The following HS6ST3 variants were observed in gnomAD, a reference collection of about 807,000 sequenced individuals.
HS6ST3 encodes the protein heparan-sulfate 6-O-sulfotransferase 3.
Under a neutral mutation model 36.7 loss-of-function variants are expected in HS6ST3, and 12 were observed. That is an observed-to-expected ratio of 0.33 (90% CI 0.21 to 0.53). The LOEUF is 0.53. Among genes scored for constraint, HS6ST3 ranks in the 20% least tolerant of loss-of-function variants. The pLI, the probability that HS6ST3 is intolerant of heterozygous loss-of-function variation, is 0.95. For missense variants in HS6ST3, 584 were observed against 640.9 expected, an observed-to-expected ratio of 0.91 and a Z score of 0.96; for synonymous variants, 240 against 257.5, an observed-to-expected ratio of 0.93 and a Z score of 0.65.
At chr13:96,138,771 A>G (rs1465055997) in intron 1 of HS6ST3, among the ~76,000 whole-genome samples, 1 of 152,118 alleles carries the variant, frequency 6.6e-6, no homozygotes, top group Admixed American at 6.5e-5. Context: ...AAAAATAATT[A>G]CATGGGAAGT....
intron 1 of HS6ST3, among the ~76,000 whole-genome samples, chr13:96,642,757 T>C (rs539775134): frequency 1.3e-5 from 2 of 152,096 alleles, no homozygotes; most frequent in Non-Finnish European, 2.9e-5. Context: ...ACAATTCCTA[T>C]CTTTTTATTG....
intron 1 of HS6ST3, among the ~76,000 whole-genome samples, chr13:96,499,464 G>A (rs577055420): frequency 3.5e-4 from 54 of 152,306 alleles, no homozygotes; most frequent in African/African-American, 1.3e-3. Flanking sequence ...AGCAGAGGGA[G>A]ACCTTGCTTG....
chr13:96,146,995 G>A lies in HS6ST3; in HGVS notation c.707+55426G>A, dbSNP rs369749356. On this transcript the variant is annotated intron_variant, in intron 1 of 1. Coordinates refer to ENST00000376705, the MANE Select transcript of HS6ST3 (RefSeq NM_153456.4). ...CAGGAAAGTTTATTGTATTTTCCAG[G>A]TAAGGAACTGAGATGCAGAAAGATG... Among the ~76,000 whole-genome samples, 45 of 152,294 alleles carry A rather than the reference G, an allele frequency of 3.0e-4. No homozygotes were observed. In the South Asian group the frequency reaches 8.7e-3, roughly 30 times the overall value.
chr13:96,187,565 CTT>C (rs1330933275), intron 1 of HS6ST3, among the ~76,000 whole-genome samples: 1 of 152,114 alleles, frequency 6.6e-6, no homozygotes, highest in Non-Finnish European at 1.5e-5. Context: ...TGCCCCGTGG[CTT>C]CATATTAGGT....
intron 1 of HS6ST3, among the ~76,000 whole-genome samples, chr13:96,350,343 T>C (rs2055175614): frequency 6.6e-6 from 1 of 152,256 alleles, no homozygotes; most frequent in Admixed American, 6.5e-5. Context: ...GTCTGTACTC[T>C]TGCAAATCCC....
At chr13:96,092,161 G>A (rs912073294) in intron 1 of HS6ST3, among the ~76,000 whole-genome samples, 1 of 152,176 alleles carries the variant, frequency 6.6e-6, no homozygotes, top group Non-Finnish European at 1.5e-5. Flanking sequence ...TAATTCTGGA[G>A]ATGGTCTTTG....
At chr13:96,228,858 C>A (rs1053582386) in intron 1 of HS6ST3, among the ~76,000 whole-genome samples, 3 of 152,074 alleles carry the variant, frequency 2.0e-5, no homozygotes, top group African/African-American at 7.2e-5. Flanking sequence ...ATTCTCTGGC[C>A]AGCCCCAGAA....
At chr13:96,717,221 T>G (rs1294548461) in intron 1 of HS6ST3, among the ~76,000 whole-genome samples, 1 of 152,222 alleles carries the variant, frequency 6.6e-6, no homozygotes, top group Admixed American at 6.5e-5. Flanking sequence ...GGGACACTTG[T>G]GTGGCAGATC....
At chr13:96,642,339 T>C (rs1344893842) in intron 1 of HS6ST3, among the ~76,000 whole-genome samples, 1 of 151,972 alleles carries the variant, frequency 6.6e-6, no homozygotes, top group Non-Finnish European at 1.5e-5. Context: ...CTTTTAGCCA[T>C]TTGATTATAA....
At chr13:96,454,135 A>G (rs995259097) in intron 1 of HS6ST3, among the ~76,000 whole-genome samples, 7 of 152,064 alleles carry the variant, frequency 4.6e-5, no homozygotes, top group African/African-American at 1.7e-4. Context: ...TGTGGGCAGT[A>G]GATGTTGTCA....
chr13:96,643,278 C>A (rs2056576964), intron 1 of HS6ST3, among the ~76,000 whole-genome samples: 1 of 151,872 alleles, frequency 6.6e-6, no homozygotes, highest in African/African-American at 2.4e-5. Context: ...AGCTAGGCTG[C>A]TCATTCTTAG....
intron 1 of HS6ST3, among the ~76,000 whole-genome samples, chr13:96,249,483 G>C (rs575991968): frequency 6.6e-6 from 1 of 152,124 alleles, no homozygotes; most frequent in African/African-American, 2.4e-5. Context: ...AAGAGAAGTG[G>C]CTGAAAAACT....
At chr13:96,146,660 T>C (rs548311571) in intron 1 of HS6ST3, among the ~76,000 whole-genome samples, 1 of 152,360 alleles carries the variant, frequency 6.6e-6, no homozygotes, top group South Asian at 2.1e-4. Context: ...CATTCCTGCC[T>C]GACCCTGTTT....
chr13:96,107,953 G>T (rs1034819948), intron 1 of HS6ST3, among the ~76,000 whole-genome samples: 1 of 152,122 alleles, frequency 6.6e-6, no homozygotes, highest in Non-Finnish European at 1.5e-5. Flanking sequence ...TGTTCGTAAA[G>T]CATGTGTATT....
intron 1 of HS6ST3, among the ~76,000 whole-genome samples, chr13:96,810,106 T>C (rs1196230406): frequency 6.6e-6 from 1 of 152,108 alleles, no homozygotes; most frequent in Non-Finnish European, 1.5e-5. Context: ...TAAAAAGTGA[T>C]CTAGAGAATG....
At chr13:96,556,132 G>A (rs1354069433) in intron 1 of HS6ST3, among the ~76,000 whole-genome samples, 1 of 152,152 alleles carries the variant, frequency 6.6e-6, no homozygotes, top group Admixed American at 6.5e-5. Flanking sequence ...CACTCTTATT[G>A]CAGTGAAAAT....
chr13:96,379,338 C>T (rs1361557775), intron 1 of HS6ST3, among the ~76,000 whole-genome samples: 10 of 152,112 alleles, frequency 6.6e-5, no homozygotes, highest in Admixed American at 2.6e-4. Flanking sequence ...AGAGCCCTCC[C>T]GGATGTGACT....
chr13:96,324,396 T>C (rs1000857326), intron 1 of HS6ST3, among the ~76,000 whole-genome samples: 4 of 152,226 alleles, frequency 2.6e-5, no homozygotes, highest in East Asian at 1.9e-4. Context: ...GGAAGTGATA[T>C]GGTGTGGAAT....
At chr13:96,707,024 C>T (rs1214801011) in intron 1 of HS6ST3, among the ~76,000 whole-genome samples, 4 of 152,152 alleles carry the variant, frequency 2.6e-5, no homozygotes, top group Non-Finnish European at 4.4e-5. Context: ...CACATGACTA[C>T]AATTTCTTTG....
Sources: gnomAD v4.1 joint callset for allele counts (sites outside exome capture counted in the v4.1 genomes callset) on GRCh38, gnomAD v4.1.1 for gene constraint, MANE v1.5 for transcripts, NCBI Gene and HGNC (gene_info 2026-07-23, HGNC 2026-07-21) for gene names.